The following ZFR2 variants were observed in gnomAD, a reference collection of about 807,000 sequenced individuals.
The protein encoded by ZFR2 is zinc finger RNA-binding protein 2.
A neutral mutation model predicts 105.7 loss-of-function variants in ZFR2; 104 were observed. That is an observed-to-expected ratio of 0.98 (90% CI 0.84 to 1.16). The LOEUF is 1.16. Among genes scored for constraint, ZFR2 ranks in the 50% most tolerant of loss-of-function variants. The pLI, the probability that ZFR2 is intolerant of heterozygous loss-of-function variation, is 0.00. For synonymous variants in ZFR2, 634 were observed against 597.7 expected (o/e 1.06, Z -0.89); for missense variants, 1,425 against 1,355.5 (o/e 1.05, Z -0.80).
At chr19:3,835,692 C>T (rs1162695528) in intron 1 of ZFR2, among the ~76,000 whole-genome samples, 1 of 151,364 alleles carries the variant, frequency 6.6e-6, no homozygotes, top group African/African-American at 2.4e-5. Context: ...TGCCTGTAAT[C>T]CCAGCACCTT....
intron 1 of ZFR2, among the ~76,000 whole-genome samples, chr19:3,836,256 A>G (rs1410850317): frequency 1.3e-5 from 2 of 152,030 alleles, no homozygotes; most frequent in South Asian, 2.1e-4. Flanking sequence ...AATATTTTCC[A>G]CCCTTGGCTG....
intron 1 of ZFR2, among the ~76,000 whole-genome samples, chr19:3,840,707 T>C (rs1404314122): frequency 6.6e-6 from 1 of 151,928 alleles, no homozygotes; most frequent in African/African-American, 2.4e-5. Context: ...ATTTTGTTTT[T>C]TTGGGGTAGA....
intron 5 of ZFR2, among the ~76,000 whole-genome samples, chr19:3,830,891 G>A (rs10423946): frequency 0.82 from 124,618 of 151,880 alleles, 51,699 homozygotes; most frequent in East Asian, 0.98. Flanking sequence ...GCACAAGCAC[G>A]CATGCACACA....
At chr19:3,811,139 G>T in intron 15 of ZFR2, 133 bp downstream of exon 15, 1 of 900,724 alleles carries the variant, frequency 1.1e-6, no homozygotes, top group Non-Finnish European at 1.6e-6. Context: ...CGGCCAGGAA[G>T]CTGATGGCAG....
rs774716966 is a variant in ZFR2 at position 3,821,416 on chromosome 19, C to G, written c.1555G>C (p.Glu519Gln). ...TGCCGCTGCTTCCTCATGCGCTCCT[C>G]CAGGACCTTCCGAGCCCGGCTGCTG... ...EPSSRARKVL[E>Q]ERMRKQRHLA... Residue 519 changes from glutamate to glutamine, a missense_variant, in exon 10 of 19, where the codon GAG (glutamate) becomes CAG (glutamine). By Grantham distance (29) the Glu-to-Gln change is conservative (BLOSUM62 2). Coordinates refer to ENST00000262961, the MANE Select transcript of ZFR2 (RefSeq NM_015174.2). 4.9e-5 allele frequency: 79 copies of G among 1,611,292 alleles called. 1 individual carries two copies. In the South Asian group the frequency reaches 7.8e-4, roughly 16 times the overall value.
chr19:3,819,880 G>A (rs1194886067), intron 11 of ZFR2, among the ~76,000 whole-genome samples: 1 of 133,668 alleles, frequency 7.5e-6, no homozygotes, highest in Non-Finnish European at 1.6e-5. Flanking sequence ...ATCGAACCTG[G>A]GGGCTCGGGC....
chr19:3,830,581 C>T (rs538019293), intron 5 of ZFR2, among the ~76,000 whole-genome samples: 5 of 152,170 alleles, frequency 3.3e-5, no homozygotes, highest in South Asian at 2.1e-4. Context: ...GAGCAGGGAC[C>T]GGCCCCCCAT....
chr19:3,868,781 G>A (rs1019299611), intron 1 of ZFR2, among the ~76,000 whole-genome samples, 184 bp downstream of exon 1: 2 of 152,106 alleles, frequency 1.3e-5, no homozygotes, highest in African/African-American at 4.8e-5. Context: ...ATCCCGCCCG[G>A]TGCCTAACCT....
At chr19:3,827,356 TG>T (rs1330381893) in intron 6 of ZFR2, 114 bp downstream of exon 6, 5 of 1,305,184 alleles carry the variant, frequency 3.8e-6, no homozygotes, top group Non-Finnish European at 5.0e-6. Context: ...GCGCTCCACT[TG>T]GGGAGGCTTC....
At chr19:3,814,874 C>T (rs566658080) in intron 13 of ZFR2, among the ~76,000 whole-genome samples, 14 of 152,270 alleles carry the variant, frequency 9.2e-5, no homozygotes, top group Non-Finnish European at 1.3e-4. Flanking sequence ...CTCATTCCCT[C>T]GTGCCCACCC....
At position 3,808,888 on chromosome 19, in the gene ZFR2, T is replaced by C. The variant is rs1470076838; in HGVS notation, c.2529A>G (p.Thr843=). The change falls in exon 17 of 19, where the codon ACA becomes ACG. Residue 843 remains threonine (T), a synonymous_variant. Transcript: ENST00000262961. ...GCGACTGACCTGTCAGGAGCGTCCC[T>C]GTGGCCACGCACTCCAGGACTCGCC... The part of the protein sequence containing the change: ...AVRRVLECVA[T]GTLLTDGPGL... The C allele has an allele frequency of 6.4e-7, 1 of 1,554,900 alleles. No homozygotes were observed. Among genetic ancestry groups the C allele is most frequent in the Admixed American group, 1.9e-5 (1 of 52,200 alleles).
Position 3,823,246 on chromosome 19 carries a change from C to G in ZFR2, c.1371G>C (p.Glu457Asp). The change falls in exon 8 of 19, where the codon GAG becomes GAC. Residue 457 changes from glutamate (E) to aspartate (D), a missense_variant and splice_region_variant. Transcript: ENST00000262961. This position sits in a 1 kb window ranked among gnomAD's most constrained non-coding sequence, Gnocchi z 5.4. ...CCAGGACTTGACAGCCTCGACTTAC[C>G]TCCTCCACATATTCCGGGCCCACCG... ...AQPVGPEYVE[E>D]VFSDEGRVLR... 2.5e-6 allele frequency: 4 copies of G among 1,613,924 alleles called. No individual in the cohort carries two copies. Among genetic ancestry groups the G allele is most frequent in the Non-Finnish European group, 3.4e-6 (4 of 1,179,864 alleles).
chr19:3,846,469 T>C (rs886836637), intron 1 of ZFR2, among the ~76,000 whole-genome samples: 14 of 152,252 alleles, frequency 9.2e-5, no homozygotes, highest in Non-Finnish European at 4.4e-5. Context: ...GAACATACTG[T>C]ATTTAACTTT....
At chr19:3,847,552 A>G (rs7247460) in intron 1 of ZFR2, among the ~76,000 whole-genome samples, 22,866 of 152,188 alleles carry the variant, frequency 0.15, 2,083 homozygotes, top group East Asian at 0.26. Flanking sequence ...TTTTTTGAAA[A>G]TAAGAATATT....
At chr19:3,868,696 C>G (rs1323726925) in intron 1 of ZFR2, among the ~76,000 whole-genome samples, 2 of 152,090 alleles carry the variant, frequency 1.3e-5, no homozygotes, top group South Asian at 4.2e-4. Flanking sequence ...CCTCCCACTT[C>G]AGGAGCCCCC....
Position 3,827,664 on chromosome 19 carries a change from G to C in ZFR2, c.853-11C>G. 6.4e-7 allele frequency: 1 copy of C among 1,573,244 alleles called. No homozygotes were observed. Among genetic ancestry groups the C allele is most frequent in the Non-Finnish European group, 8.6e-7 (1 of 1,159,712 alleles). On this transcript the variant is annotated splice_polypyrimidine_tract_variant and intron_variant, in intron 5 of 18. Transcript: ENST00000262961. ...ATGTTCCCGGTAGGTCTGCGGCAAG[G>C]GGTGAGAGGCAGCCTGGGCGGGGGT...
chr19:3,823,369 G>T lies in ZFR2; in HGVS notation c.1248C>A (p.Pro416=). ...TAGGTTGGGCTGGTTTCCCCCACTG[G>T]GGTCTGCAGCCTGCTGCCTGTGGCT... The part of the protein sequence containing the change: ...PPEPQAAGCR[P]QWGKPAQPKL... The change falls in exon 8 of 19, where the codon CCC becomes CCA. Residue 416 remains proline (P), a synonymous_variant. Transcript: ENST00000262961. The surrounding 1 kb of genome is among the most constrained non-coding windows in gnomAD (Gnocchi z 5.4). 6.2e-7 allele frequency: 1 copy of T among 1,613,128 alleles called. No homozygotes were observed. Among genetic ancestry groups the T allele is most frequent in the Non-Finnish European group, 8.5e-7 (1 of 1,179,426 alleles).
intron 17 of ZFR2, among the ~76,000 whole-genome samples, chr19:3,808,216 C>A (rs1473894527): frequency 1.4e-5 from 2 of 141,260 alleles, no homozygotes; most frequent in South Asian, 4.7e-4. Flanking sequence ...CGTGTGTGCC[C>A]GTGCGAGTGC....
rs1055595187 is a variant in ZFR2 at position 3,854,400 on chromosome 19, T to A, written c.53+14565A>T. 1.1e-4 allele frequency among the ~76,000 whole-genome samples: 17 copies of A among 148,938 alleles called. No individual in the cohort carries two copies. The Admixed American group carries it at 1.1e-3, about 10-fold the overall frequency. On this transcript the variant is annotated intron_variant, in intron 1 of 18. Coordinates refer to ENST00000262961, the MANE Select transcript of ZFR2 (RefSeq NM_015174.2). ...AGAGCGAGACTGTCTAAAAAAAAAG[T>A]CTTGTTCTTTCTAGGCTTTTCTAGC... is the stretch of plus-strand genomic sequence containing the variant.
Sources: allele counts gnomAD v4.1 joint callset (sites outside exome capture counted in the v4.1 genomes callset), GRCh38; gene constraint gnomAD v4.1.1; non-coding constraint Gnocchi (gnomAD v3.1); transcripts MANE v1.5; gene names NCBI Gene and HGNC (gene_info 2026-07-23, HGNC 2026-07-21).